Variants in TUSC3 observed in about 807,000 individuals in gnomAD.
The protein encoded by TUSC3 is dolichyl-diphosphooligosaccharide--protein glycosyltransferase subunit TUSC3.
In TUSC3, 45 loss-of-function variants were observed where a neutral mutation model predicts 44.8. The observed-to-expected ratio is 1.00, with a 90% CI of 0.79 to 1.29. The LOEUF (loss-of-function observed/expected upper bound fraction) is 1.29. Among genes scored for constraint, TUSC3 ranks in the 50% most tolerant of loss-of-function variants. TUSC3 has a pLI of 0.00. For missense variants in TUSC3, 519 were observed against 437.9 expected (o/e 1.19, Z -1.65); for synonymous variants, 212 against 152.9 (o/e 1.39, Z -2.85).
At chr8:15,714,217 A>G (rs7011080) in intron 6 of TUSC3, among the ~76,000 whole-genome samples, 3 of 152,024 alleles carry the variant, frequency 2.0e-5, no homozygotes, top group South Asian at 2.1e-4. Flanking sequence ...ATTTTGTAAC[A>G]CTTTACCTCA....
the TUSC3 span, among the ~76,000 whole-genome samples, chr8:15,813,847 G>A: frequency 6.6e-6 from 1 of 152,054 alleles, no homozygotes; most frequent in African/African-American, 2.4e-5. Flanking sequence ...CGTTGAGGCA[G>A]TGGGATGAAG....
intron 1 of TUSC3, among the ~76,000 whole-genome samples, chr8:15,442,321 G>A (rs1380071471): frequency 1.4e-5 from 2 of 147,244 alleles, no homozygotes; most frequent in African/African-American, 2.5e-5. Context: ...AGTGACTTGA[G>A]GAAGTATTTT....
At chr8:15,692,972 C>G (rs1471426436) in intron 6 of TUSC3, among the ~76,000 whole-genome samples, 1 of 152,088 alleles carries the variant, frequency 6.6e-6, no homozygotes, top group Admixed American at 6.6e-5. Flanking sequence ...AATTGGAATA[C>G]CAAACTCTGC....
At chr8:15,424,771 T>A (rs984207934) in intron 1 of TUSC3, among the ~76,000 whole-genome samples, 2 of 151,956 alleles carry the variant, frequency 1.3e-5, no homozygotes, top group Non-Finnish European at 2.9e-5. Context: ...GCCCGGCTAC[T>A]TGGGAGGCTG....
intron 1 of TUSC3, among the ~76,000 whole-genome samples, chr8:15,426,665 C>T (rs1313126410): frequency 6.6e-6 from 1 of 152,188 alleles, no homozygotes; most frequent in African/African-American, 2.4e-5. Context: ...GTTTCCATAA[C>T]TTAGCTTCAT....
At chr8:15,849,145 C>T in the TUSC3 span, among the ~76,000 whole-genome samples, 3 of 152,124 alleles carry the variant, frequency 2.0e-5, no homozygotes, top group Non-Finnish European at 4.4e-5. Flanking sequence ...GATCAAAATT[C>T]AAACATTCCA....
chr8:15,750,366 G>A (rs1340714077), intron 9 of TUSC3, among the ~76,000 whole-genome samples: 1 of 152,006 alleles, frequency 6.6e-6, no homozygotes, highest in Non-Finnish European at 1.5e-5. Context: ...AGCATGTAAT[G>A]ATACTAAAAT....
At chr8:15,806,620 T>A in the TUSC3 span, 2 of 1,413,088 alleles carry the variant, frequency 1.4e-6, no homozygotes, top group South Asian at 2.3e-5. Context: ...CTTCTTCAGA[T>A]CTTTCAGTGT....
At chr8:15,482,161 T>G (rs1055741844) in intron 1 of TUSC3, among the ~76,000 whole-genome samples, 16 of 152,334 alleles carry the variant, frequency 1.1e-4, no homozygotes, top group African/African-American at 3.6e-4. Flanking sequence ...AGTTTTACCA[T>G]GAGATTGCAG....
At chr8:15,733,882 A>C (rs1810824789) in intron 7 of TUSC3, among the ~76,000 whole-genome samples, 1 of 152,148 alleles carries the variant, frequency 6.6e-6, no homozygotes, top group Admixed American at 6.5e-5. Flanking sequence ...TGTCTCTACA[A>C]AAAATTACAA....
At chr8:15,503,546 A>C (rs1442000037) in intron 2 of TUSC3, among the ~76,000 whole-genome samples, 1 of 152,094 alleles carries the variant, frequency 6.6e-6, no homozygotes, top group African/African-American at 2.4e-5. Flanking sequence ...CTCTAGAAAA[A>C]ATTAAAAATT....
chr8:15,796,053 G>A, the TUSC3 span, among the ~76,000 whole-genome samples: 2 of 150,910 alleles, frequency 1.3e-5, no homozygotes, highest in East Asian at 1.9e-4. Context: ...TTACCCTCAG[G>A]TAAGCTGTTT....
intron 9 of TUSC3, among the ~76,000 whole-genome samples, chr8:15,756,112 C>T (rs1811917859): frequency 6.6e-6 from 1 of 152,080 alleles, no homozygotes; most frequent in Non-Finnish European, 1.5e-5. Flanking sequence ...GGAGAAGACC[C>T]GAGCTCAAGG....
At chr8:15,538,283 G>C (rs1471445373), upstream of TUSC3, among the ~76,000 whole-genome samples, 1 of 152,210 alleles carries the variant, frequency 6.6e-6, no homozygotes, top group Non-Finnish European at 1.5e-5. Context: ...TGAGCTTTCT[G>C]AACACTTCTG....
intron 1 of TUSC3, among the ~76,000 whole-genome samples, chr8:15,574,353 C>T (rs1354087236): frequency 1.3e-5 from 2 of 152,044 alleles, no homozygotes; most frequent in Non-Finnish European, 2.9e-5. Flanking sequence ...GTAAGTTGTA[C>T]AGATTATGGA....
chr8:15,831,376 A>G, the TUSC3 span, among the ~76,000 whole-genome samples: 1 of 152,156 alleles, frequency 6.6e-6, no homozygotes, highest in Non-Finnish European at 1.5e-5. Context: ...AACTCTGACA[A>G]TTCCAAAAGC....
At chr8:15,828,777 T>C in the TUSC3 span, among the ~76,000 whole-genome samples, 2 of 152,252 alleles carry the variant, frequency 1.3e-5, no homozygotes, top group South Asian at 4.1e-4. Flanking sequence ...GAATCCATGC[T>C]ATAAGCTGGC....
intron 1 of TUSC3, among the ~76,000 whole-genome samples, chr8:15,590,500 C>T (rs1271790350): frequency 2.6e-5 from 4 of 152,036 alleles, no homozygotes; most frequent in East Asian, 1.9e-4. Context: ...TGCCAATTCC[C>T]CCATTAACAT....
intron 2 of TUSC3, among the ~76,000 whole-genome samples, chr8:15,513,888 G>C (rs936594762): frequency 2.0e-5 from 3 of 152,048 alleles, no homozygotes; most frequent in African/African-American, 4.8e-5. Flanking sequence ...TCCACCTTTA[G>C]TCTGTCCTCC....
Sources: allele counts gnomAD v4.1 joint callset (sites outside exome capture counted in the v4.1 genomes callset), GRCh38; gene constraint gnomAD v4.1.1; transcripts MANE v1.5; gene names NCBI Gene and HGNC (gene_info 2026-07-23, HGNC 2026-07-21).